The following NUP107 variants were observed in gnomAD, a reference collection of about 807,000 sequenced individuals.
The protein encoded by NUP107 is nuclear pore complex protein Nup107.
Under a neutral mutation model 141.0 loss-of-function variants are expected in NUP107, and 101 were observed. That is an observed-to-expected ratio of 0.72 (90% confidence interval 0.61 to 0.84). The LOEUF (loss-of-function observed/expected upper bound fraction) is 0.84, where lower values mean the gene tolerates loss of function less well. Among genes scored for constraint, NUP107 ranks in the 40% least tolerant of loss-of-function variants. The probability of loss-of-function intolerance (pLI) is 0.00; values close to 1 mark genes in which losing one functional copy is unlikely to be tolerated. For synonymous variants in NUP107, 319 were observed against 363.9 expected (o/e 0.88, Z 1.41); for missense variants, 941 against 1,102.7 (o/e 0.85, Z 2.08).
chr12:68,712,552 T>G lies in NUP107; in HGVS notation c.891-1178T>G, dbSNP rs1333929366. 1.3e-5 allele frequency among the ~76,000 whole-genome samples: 2 copies of G among 151,920 alleles called. 1 individual carries two copies. Among genetic ancestry groups the G allele is most frequent in the Admixed American group, 1.3e-4 (2 of 15,258 alleles). ...GAAATTACTGCTACTAAGCATTTGTTAAAAATTAAATCTTAAGTGGATGTG... is the reference window on the plus strand; with the variant it reads ...GAAATTACTGCTACTAAGCATTTGTGAAAAATTAAATCTTAAGTGGATGTG... On this transcript the variant is annotated intron_variant, in intron 10 of 27. Transcript: ENST00000229179.
chr12:68,690,482 G>A, intron 3 of NUP107, 149 bp from the exon 4 acceptor site: 1 of 1,011,116 alleles, frequency 9.9e-7, no homozygotes, highest in Non-Finnish European at 1.4e-6. Flanking sequence ...CTTGTATCAT[G>A]GAAATGTTAA....
intron 8 of NUP107, chr12:68,706,909 C>T: frequency 2.8e-6 from 2 of 724,896 alleles, no homozygotes; most frequent in East Asian, 2.5e-5. Flanking sequence ...CCTATGGGGG[C>T]CTCATAAGCC....
At chr12:68,704,553 A>T (rs888163167) in intron 8 of NUP107, among the ~76,000 whole-genome samples, 5 of 151,816 alleles carry the variant, frequency 3.3e-5, no homozygotes, top group African/African-American at 1.2e-4. Context: ...TCCCGGGTTC[A>T]AGCGATTCTC....
chr12:68,713,375 C>CA lies in NUP107; in HGVS notation c.891-337dup, dbSNP rs139024005. Among the ~76,000 whole-genome samples the CA allele has an allele frequency of 9.0e-3, 785 of 87,064 alleles. 6 individuals carry two copies. The highest frequency in any genetic ancestry group is 0.02 in the African/African-American group (441 of 22,572). 57.1% of individuals were successfully genotyped at this position (87,064 alleles called of 152,430 possible). A position where few individuals can be genotyped will look rare whatever the true frequency, so the allele number is the denominator to read the frequency against. On this transcript the variant is annotated intron_variant, in intron 10 of 27. Transcript: ENST00000229179. The stretch of plus-strand genomic sequence containing the variant: ...CGGCAACAGAGCGAGACCCTGTCTC[C>CA]AAAAAAAAAAAAAAAAAACCCACCA...
At chr12:68,731,508 G>GT (rs1209361270) in intron 21 of NUP107, 99 bp from the exon 22 acceptor site, 1 of 637,628 alleles carries the variant, frequency 1.6e-6, no homozygotes, top group Non-Finnish European at 2.5e-6. Flanking sequence ...TATTTTTAAG[G>GT]AATTACTGTT....
At position 68,744,770 on chromosome 12, in the gene NUP107, ATGTGCTCC is replaced by A. The variant is rs367978663; in HGVS notation, c.*2310_*2317del. On this transcript the variant is annotated 3_prime_UTR_variant, in exon 28 of 28. Transcript: ENST00000229179. ...TTCAGTTGGAGCCCCAAGAGTGCCA[ATGTGCTCC>A]TCACAATTCCCAAATGCCTCTCTTC... 9.8e-5 allele frequency: 15 copies of A among 152,314 alleles called. No homozygotes were observed. The highest frequency in any genetic ancestry group is 3.6e-4 in the African/African-American group (15 of 41,558). 9.4% of individuals were successfully genotyped at this position (152,314 alleles called of 1,614,324 possible). A position where few individuals can be genotyped will look rare whatever the true frequency, so the allele number is the denominator to read the frequency against.
chr12:68,719,595 G>A lies in NUP107; in HGVS notation c.1192G>A (p.Val398Ile). 1.9e-6 allele frequency: 3 copies of A among 1,613,056 alleles called. No individual in the cohort carries two copies. Among genetic ancestry groups the A allele is most frequent in the Non-Finnish European group, 2.5e-6 (3 of 1,179,138 alleles). ...NVNGGTELEP[V>I]EGNPYRRIWK... The stretch of plus-strand genomic sequence containing the variant: ...TTTTATAGGAACAGAATTAGAACCT[G>A]TTGAAGGGAATCCATATAGACGCAT... Residue 398 changes from valine (V) to isoleucine (I), a missense_variant, in exon 14 of 28, where the codon GTT (valine) becomes ATT (isoleucine). By Grantham distance (29) the Val-to-Ile change is conservative. Transcript: ENST00000229179.
chr12:68,709,658 G>A (rs2546521), intron 9 of NUP107, among the ~76,000 whole-genome samples: 47,819 of 151,584 alleles, frequency 0.32, 7,621 homozygotes, highest in Middle Eastern at 0.35. Context: ...TGGGAGGCCA[G>A]GGCAGGCAGA....
intron 5 of NUP107, among the ~76,000 whole-genome samples, chr12:68,692,535 C>T (rs1875854667): frequency 6.6e-6 from 1 of 150,692 alleles, no homozygotes; most frequent in African/African-American, 2.4e-5. Context: ...GCTGAGATCG[C>T]ACCATTGCAC....
intron 17 of NUP107, among the ~76,000 whole-genome samples, chr12:68,725,016 A>G (rs1430015101): frequency 6.6e-6 from 1 of 152,174 alleles, no homozygotes; most frequent in Non-Finnish European, 1.5e-5. Flanking sequence ...TGGTTTATTT[A>G]AATAAATGGC....
chr12:68,700,637 A>G (rs1253447128), intron 6 of NUP107, 89 bp from the exon 7 acceptor site: 2 of 833,464 alleles, frequency 2.4e-6, no homozygotes, highest in Admixed American at 7.3e-5. Flanking sequence ...ATTAAATACA[A>G]TTATTTTAGC....
chr12:68,706,576 G>A (rs890361958), intron 8 of NUP107: 3 of 681,552 alleles, frequency 4.4e-6, no homozygotes, highest in South Asian at 1.5e-5. Flanking sequence ...AACATCAGTC[G>A]GCTCCAGGAT....
Position 68,700,842 on chromosome 12 carries a change from T to G in NUP107, c.669T>G (p.Ala223=). ...QQEMVTWRLL[A]SLYRDRIQSA... ...AGATGGTCACATGGAGGCTGCTGGC[T>G]TCTTTGTATAGGTAATGGCGTCTAG... The change falls in exon 7 of 28, where the codon GCT becomes GCG. Residue 223 remains alanine, a synonymous_variant. Coordinates refer to ENST00000229179, the MANE Select transcript of NUP107 (RefSeq NM_020401.4). 3 of 1,594,274 alleles carry G rather than the reference T, an allele frequency of 1.9e-6. No individual in the cohort carries two copies. The highest frequency in any genetic ancestry group is 2.6e-6 in the Non-Finnish European group (3 of 1,174,882).
intron 10 of NUP107, among the ~76,000 whole-genome samples, chr12:68,712,618 G>GTT (rs1364981331): frequency 7.3e-6 from 1 of 137,700 alleles, no homozygotes. Context: ...CAGAAAATAA[G>GTT]TTTTTTTTTT....
At chr12:68,707,783 T>TAG (rs1173835687) in intron 8 of NUP107, among the ~76,000 whole-genome samples, 1 of 152,146 alleles carries the variant, frequency 6.6e-6, no homozygotes, top group African/African-American at 2.4e-5. Context: ...CCAGGTCCAA[T>TAG]AGAGATGATT....
intron 9 of NUP107, among the ~76,000 whole-genome samples, chr12:68,709,760 G>C (rs1321283497): frequency 1.3e-5 from 2 of 151,828 alleles, no homozygotes; most frequent in African/African-American, 2.4e-5. Flanking sequence ...GTGGTGGTGG[G>C]CGCCTGTAGT....
chr12:68,738,623 G>A (rs976751531), intron 26 of NUP107, among the ~76,000 whole-genome samples: 1 of 152,164 alleles, frequency 6.6e-6, no homozygotes, highest in African/African-American at 2.4e-5. Flanking sequence ...ATTATGTGCT[G>A]TTTTCGTATA....
At chr12:68,732,782 T>A (rs779501697) in intron 23 of NUP107, 43 bp downstream of exon 23, 1 of 1,284,974 alleles carries the variant, frequency 7.8e-7, no homozygotes, top group Non-Finnish European at 1.1e-6. Context: ...TGGGCTCCAT[T>A]CTTCTTCCTA....
intron 27 of NUP107, 50 bp downstream of exon 27, chr12:68,742,030 T>C (rs1332650189): frequency 7.3e-7 from 1 of 1,366,578 alleles, no homozygotes; most frequent in African/African-American, 1.5e-5. Flanking sequence ...TGATATGCTC[T>C]GTAGTAATAT....
Sources: gnomAD v4.1 joint callset for allele counts (sites outside exome capture counted in the v4.1 genomes callset) on GRCh38, gnomAD v4.1.1 for gene constraint, MANE v1.5 for transcripts, NCBI Gene and HGNC (gene_info 2026-07-23, HGNC 2026-07-21) for gene names.